SLC1A2: variants seen among roughly 807,000 people sequenced by gnomAD.
The protein encoded by SLC1A2 is excitatory amino acid transporter 2.
In SLC1A2, 15 loss-of-function variants were observed where a neutral mutation model predicts 48.8. That is an observed-to-expected ratio of 0.31 (90% confidence interval 0.21 to 0.47). The LOEUF is 0.47. Ranked by LOEUF, SLC1A2 falls within the 20% of genes least tolerant of loss-of-function variation. The pLI, the probability that SLC1A2 is intolerant of heterozygous loss-of-function variation, is 0.99. For missense variants in SLC1A2, 502 were observed against 730.5 expected (o/e 0.69, Z 3.61); for synonymous variants, 279 against 272.6 (o/e 1.02, Z -0.23).
chr11:35,318,890 A>T (rs1364066231), intron 1 of SLC1A2, among the ~76,000 whole-genome samples: 1 of 152,234 alleles, frequency 6.6e-6, no homozygotes, highest in Non-Finnish European at 1.5e-5. Flanking sequence ...CCAGACTCAG[A>T]GTTAAGACCT....
chr11:35,287,066 C>G (rs552873815), intron 7 of SLC1A2, 115 bp from the exon 8 acceptor site: 21 of 802,860 alleles, frequency 2.6e-5, no homozygotes, highest in South Asian at 8.5e-5. Context: ...GTCAATCAAG[C>G]AATGTGACAT....
At chr11:35,386,273 G>T (rs1235793318) in intron 1 of SLC1A2, among the ~76,000 whole-genome samples, 1 of 151,978 alleles carries the variant, frequency 6.6e-6, no homozygotes, top group African/African-American at 2.4e-5. Context: ...TCTCAGGTTT[G>T]TTTTTTCCAT....
intron 3 of SLC1A2, among the ~76,000 whole-genome samples, chr11:35,314,379 T>C (rs1330341890): frequency 6.6e-6 from 1 of 152,130 alleles, no homozygotes; most frequent in Non-Finnish European, 1.5e-5. Flanking sequence ...CCTTTATCAG[T>C]ATCTGAACAA....
chr11:35,310,579 T>C (rs1449141329), intron 4 of SLC1A2, among the ~76,000 whole-genome samples: 1 of 152,176 alleles, frequency 6.6e-6, no homozygotes, highest in Non-Finnish European at 1.5e-5. Flanking sequence ...AAGGACTACA[T>C]TTTGGAGACA....
chr11:35,326,661 A>G (rs561429468), intron 1 of SLC1A2, among the ~76,000 whole-genome samples: 2 of 152,342 alleles, frequency 1.3e-5, no homozygotes, highest in African/African-American at 4.8e-5. Flanking sequence ...AAGGCAAGTC[A>G]CTACCATGAC....
intron 1 of SLC1A2, among the ~76,000 whole-genome samples, chr11:35,394,991 C>A (rs117351828): frequency 6.6e-6 from 1 of 152,126 alleles, no homozygotes; most frequent in Non-Finnish European, 1.5e-5. Flanking sequence ...CTCAAAGGAT[C>A]CCAGAGACCC....
At chr11:35,284,253 C>T (rs1198388586) in intron 8 of SLC1A2, among the ~76,000 whole-genome samples, 1 of 151,852 alleles carries the variant, frequency 6.6e-6, no homozygotes, top group Admixed American at 6.6e-5. Flanking sequence ...GCCCAGTTAC[C>T]TCAACTTACT....
chr11:35,323,609 AT>A (rs1302058496), intron 1 of SLC1A2, among the ~76,000 whole-genome samples: 1 of 152,236 alleles, frequency 6.6e-6, no homozygotes, highest in African/African-American at 2.4e-5. Flanking sequence ...TGTGGATTCC[AT>A]TCTAGGTACC....
chr11:35,319,592 C>A (rs913283927), intron 1 of SLC1A2, among the ~76,000 whole-genome samples: 1 of 152,184 alleles, frequency 6.6e-6, no homozygotes, highest in Non-Finnish European at 1.5e-5. Flanking sequence ...CTGGCAAGAT[C>A]CATATGATGT....
At chr11:35,380,816 C>T (rs1222412522) in intron 1 of SLC1A2, among the ~76,000 whole-genome samples, 1 of 152,172 alleles carries the variant, frequency 6.6e-6, no homozygotes, top group Non-Finnish European at 1.5e-5. Context: ...TTTTTAGAAT[C>T]TGTAGGGAGA....
chr11:35,373,378 G>A (rs922897984), intron 1 of SLC1A2, among the ~76,000 whole-genome samples: 3 of 152,154 alleles, frequency 2.0e-5, no homozygotes, highest in Admixed American at 6.5e-5. Flanking sequence ...GGACAAACCC[G>A]GTAGGGATGC....
Position 35,308,484 on chromosome 11 carries a change from C to T in SLC1A2, c.562-2242G>A, listed in dbSNP as rs145083839. Reference sequence around the variant, plus strand: ...CTAAGACTGGATAATTTATGATAAACAGAAATTTATTTTTTCACCATTCTG... The same window carrying T: ...CTAAGACTGGATAATTTATGATAAATAGAAATTTATTTTTTCACCATTCTG... On this transcript the variant is annotated intron_variant, in intron 4 of 10. Coordinates refer to ENST00000278379, the MANE Select transcript of SLC1A2 (RefSeq NM_004171.4). 3.3e-5 allele frequency among the ~76,000 whole-genome samples: 5 copies of T among 152,246 alleles called. No homozygotes were observed. In the South Asian group the frequency reaches 6.2e-4, roughly 19 times the overall value.
At chr11:35,348,405 A>G (rs1403738703) in intron 1 of SLC1A2, among the ~76,000 whole-genome samples, 2 of 150,166 alleles carry the variant, frequency 1.3e-5, no homozygotes, top group East Asian at 4.0e-4. Context: ...TTGTTTCTCA[A>G]CCCTCAATAG....
chr11:35,343,061 C>T (rs1852900987), intron 1 of SLC1A2, among the ~76,000 whole-genome samples: 1 of 152,248 alleles, frequency 6.6e-6, no homozygotes, highest in Non-Finnish European at 1.5e-5. Context: ...TGCTCTGATA[C>T]ATCGTGAGGC....
chr11:35,325,964 CAAAAAAAA>C (rs35256511), intron 1 of SLC1A2, among the ~76,000 whole-genome samples: 2 of 96,292 alleles, frequency 2.1e-5, no homozygotes, highest in African/African-American at 8.0e-5. Context: ...AATTCTATCT[CAAAAAAAA>C]AAAAAAAAAA....
At chr11:35,378,816 C>T (rs1854325330) in intron 1 of SLC1A2, among the ~76,000 whole-genome samples, 1 of 152,162 alleles carries the variant, frequency 6.6e-6, no homozygotes, top group African/African-American at 2.4e-5. Context: ...GTTGGCAATA[C>T]CTGGCCAGAT....
intron 1 of SLC1A2, among the ~76,000 whole-genome samples, chr11:35,376,554 A>G (rs1854236456): frequency 6.6e-6 from 1 of 152,200 alleles, no homozygotes; most frequent in Non-Finnish European, 1.5e-5. Context: ...AAGACAAAAA[A>G]TGTAAATGAA....
intron 1 of SLC1A2, among the ~76,000 whole-genome samples, chr11:35,351,173 T>C (rs914232916): frequency 2.0e-5 from 3 of 152,100 alleles, no homozygotes; most frequent in African/African-American, 7.2e-5. Flanking sequence ...AGTGAGAAAA[T>C]TGAGGTTTAG....
intron 5 of SLC1A2, among the ~76,000 whole-genome samples, chr11:35,303,742 T>C (rs1418755818): frequency 5.3e-5 from 8 of 152,192 alleles, no homozygotes; most frequent in Non-Finnish European, 1.2e-4. Context: ...TTGGAGTTGA[T>C]TTAAGCAGTT....
Sources: gnomAD v4.1 joint callset for allele counts (sites outside exome capture counted in the v4.1 genomes callset) on GRCh38, gnomAD v4.1.1 for gene constraint, MANE v1.5 for transcripts, NCBI Gene and HGNC (gene_info 2026-07-23, HGNC 2026-07-21) for gene names.